Variants in LLGL1 observed in about 807,000 individuals in gnomAD.
LLGL1 encodes LLGL scribble cell polarity complex component 1, also known as lethal(2) giant larvae protein homolog 1.
In LLGL1, 58 loss-of-function variants were observed where a neutral mutation model predicts 110.6. The observed-to-expected ratio is 0.52, with a 90% CI of 0.42 to 0.65. The LOEUF (loss-of-function observed/expected upper bound fraction) is 0.65. Among genes scored for constraint, LLGL1 ranks in the 30% least tolerant of loss-of-function variants. The pLI is 0.00. For synonymous variants in LLGL1, 674 were observed against 607.2 expected (o/e 1.11, Z -1.62); for missense variants, 1,229 against 1,462.1 (o/e 0.84, Z 2.60).
chr17:18,234,744 G>T (rs928892590), intron 8 of LLGL1, 41 bp downstream of exon 8: 18 of 1,613,804 alleles, frequency 1.1e-5, no homozygotes, highest in Non-Finnish European at 1.5e-5. Context: ...GTTGGGTCTG[G>T]CTAGGGGGCT....
At position 18,241,768 on chromosome 17, in the gene LLGL1, G is replaced by A. The variant is rs1162988846; in HGVS notation, c.2767+53G>A. 12 of 1,607,340 alleles carry A rather than the reference G, an allele frequency of 7.5e-6. No individual in the cohort carries two copies. In the Admixed American group the frequency reaches 2.0e-4, roughly 27 times the overall value. ...CTTCCTCAGGCGAGCGAACTGAGTG[G>A]GACCAGTACTGCTTGGGAGCAGGAA... On this transcript the variant is annotated intron_variant, in intron 18 of 22. Transcript: ENST00000316843.
chr17:18,238,395 A>C, intron 15 of LLGL1, 61 bp from the exon 16 acceptor site: 2 of 1,575,676 alleles, frequency 1.3e-6, no homozygotes, highest in Non-Finnish European at 8.6e-7. Flanking sequence ...GTAGGGCGCA[A>C]AGCAGGATGC....
rs3829591 is a variant in LLGL1 at position 18,230,926 on chromosome 17, C to T, written c.179+888C>T. 1.3e-3 allele frequency among the ~76,000 whole-genome samples: 198 copies of T among 152,284 alleles called. No homozygotes were observed. In the East Asian group the frequency reaches 0.036, roughly 27 times the overall value. On this transcript the variant is annotated intron_variant, in intron 2 of 22. Coordinates refer to ENST00000316843, the MANE Select transcript of LLGL1 (RefSeq NM_004140.4). The stretch of plus-strand genomic sequence containing the variant: ...GGAGTGTGGATGGGCTGAGATGTCC[C>T]CTTCTCTCCCATGGCCCCAGCGGCC...
At chr17:18,227,663 T>C (rs540967935) in intron 1 of LLGL1, among the ~76,000 whole-genome samples, 1 of 152,364 alleles carries the variant, frequency 6.6e-6, no homozygotes, top group East Asian at 1.9e-4. Flanking sequence ...AGTGCTAGGA[T>C]TACAGACATG....
In LLGL1 at chr17:18,241,500, C is replaced by T. The variant is rs2047830518; in HGVS notation, c.2552C>T (p.Ala851Val). 6.2e-7 allele frequency: 1 copy of T among 1,613,698 alleles called. No individual in the cohort carries two copies. The highest frequency in any genetic ancestry group is 1.3e-5 in the African/African-American group (1 of 74,936). ...GCGAAGACCAAGTTCAAGCTGACGG[C>T]CCATGAGGGCTGTCGTGTGCGCAAG... ...VSAKTKFKLT[A>V]HEGCRVRKVA... Residue 851 changes from alanine to valine, a missense_variant, in exon 18 of 23, where the codon GCC becomes GTC. By Grantham distance (64) the Ala-to-Val change is moderately conservative. Transcript: ENST00000316843.
Position 18,241,733 on chromosome 17 carries a change from C to T in LLGL1, c.2767+18C>T. 1.2e-6 allele frequency: 2 copies of T among 1,610,440 alleles called. No individual in the cohort carries two copies. The highest frequency in any genetic ancestry group is 1.7e-6 in the Non-Finnish European group (2 of 1,178,024). On this transcript the variant is annotated intron_variant, in intron 18 of 22. Coordinates refer to ENST00000316843, the MANE Select transcript of LLGL1 (RefSeq NM_004140.4). ...TGGCCAGGGTGAGGCGGGGCAGAGG[C>T]CGAGGAGGCCTTCCTCAGGCGAGCG...
At chr17:18,236,024 C>G (rs886074405) in intron 11 of LLGL1, 2 of 190,984 alleles carry the variant, frequency 1.0e-5, no homozygotes, top group East Asian at 3.0e-4. Flanking sequence ...CAACCACCCC[C>G]ACAGTCACAC....
rs113793569 is a variant in LLGL1, at chr17:18,240,162, C to T, written c.2207-416C>T. ...CCTGTCGACAGGACTAGCAAGGGGA[C>T]GCAGGGGTGGAGAGAGGAGTCGGGG... On this transcript the variant is annotated intron_variant, in intron 16 of 22. Transcript: ENST00000316843. The surrounding 1 kb of genome is among the most constrained non-coding windows in gnomAD (Gnocchi z 5.3). Among the ~76,000 whole-genome samples the T allele has an allele frequency of 3.9e-5, 6 of 152,014 alleles. No individual in the cohort carries two copies. Among genetic ancestry groups the T allele is most frequent in the South Asian group, 2.1e-4 (1 of 4,810 alleles).
chr17:18,234,407 C>T lies in LLGL1; in HGVS notation c.849C>T (p.Tyr283=), dbSNP rs147980299. The part of the protein sequence containing the change: ...TLQPTVATTP[Y]GPFPCKAINK... ...AGCCCACGGTAGCCACCACACCTTACGGTGAGTGCTGGGGACACCTTAGCC... is the reference window on the plus strand; with the variant it reads ...AGCCCACGGTAGCCACCACACCTTATGGTGAGTGCTGGGGACACCTTAGCC... The change falls in exon 7 of 23, where the codon TAC becomes TAT. Residue 283 remains tyrosine, a splice_region_variant and synonymous_variant. Transcript: ENST00000316843. 65 of 1,612,212 alleles carry T rather than the reference C, an allele frequency of 4.0e-5. No homozygotes were observed. The highest frequency in any genetic ancestry group is 1.7e-4 in the Middle Eastern group (1 of 5,928).
chr17:18,236,492 G>T (rs1324978066), intron 11 of LLGL1, 115 bp from the exon 12 acceptor site: 2 of 1,035,786 alleles, frequency 1.9e-6, no homozygotes, highest in Non-Finnish European at 2.8e-6. Flanking sequence ...TAGGATTCCG[G>T]TCAGTGTTTG....
At chr17:18,230,655 T>C (rs547343991) in intron 2 of LLGL1, among the ~76,000 whole-genome samples, 1 of 152,248 alleles carries the variant, frequency 6.6e-6, no homozygotes, top group South Asian at 2.1e-4. Context: ...CCAACTGCTC[T>C]TGGGGAAGCC....
At chr17:18,226,364 C>G (rs866532593) in intron 1 of LLGL1, among the ~76,000 whole-genome samples, 2 of 152,048 alleles carry the variant, frequency 1.3e-5, no homozygotes, top group Admixed American at 6.5e-5. Flanking sequence ...TTGGGACAGC[C>G]CTGGGGCCCG....
chr17:18,225,704 C>A lies in LLGL1; in HGVS notation c.22C>A (p.Arg8=). The change falls in exon 1 of 23, where the codon CGG becomes AGG. Residue 8 remains arginine, a synonymous_variant. Transcript: ENST00000316843. MMKFRFR[R]QGADPQREKL... Reference sequence around the variant, plus strand: ...CAAGATGATGAAGTTTCGGTTCCGGCGGCAGGGCGCCGACCCGCAGCGCGA... The same window carrying A: ...CAAGATGATGAAGTTTCGGTTCCGGAGGCAGGGCGCCGACCCGCAGCGCGA... The A allele has an allele frequency of 1.9e-6, 2 of 1,042,008 alleles. No homozygotes were observed. Among genetic ancestry groups the A allele is most frequent in the Admixed American group, 4.9e-5 (1 of 20,610 alleles). 64.5% of individuals were successfully genotyped at this position (1,042,008 alleles called of 1,614,324 possible). A position where few individuals can be genotyped will look rare whatever the true frequency, so the allele number is the denominator to read the frequency against.
At chr17:18,229,170 C>T (rs894762757) in intron 1 of LLGL1, among the ~76,000 whole-genome samples, 3 of 152,096 alleles carry the variant, frequency 2.0e-5, no homozygotes, top group Admixed American at 2.0e-4. Flanking sequence ...CACAGCCAGG[C>T]CAAAGACAGG....
rs975803890 is a variant in LLGL1, at chr17:18,242,582, G to T, written c.3070G>T (p.Asp1024Tyr). 2 of 1,614,068 alleles carry T rather than the reference G, an allele frequency of 1.2e-6. No individual in the cohort carries two copies. Among genetic ancestry groups the T allele is most frequent in the Non-Finnish European group, 1.7e-6 (2 of 1,179,956 alleles). ...DSATSADTTLDTTGDVTVEDV... is the reference protein window; with the variant it reads ...DSATSADTTLYTTGDVTVEDV... Reference sequence around the variant, plus strand: ...AGCCACCAGTGCTGACACCACGCTGGACACGACAGGGGACGTCACAGTGGA... The same window carrying T: ...AGCCACCAGTGCTGACACCACGCTGTACACGACAGGGGACGTCACAGTGGA... The change falls in exon 21 of 23, where the codon GAC (aspartate) becomes TAC (tyrosine). Residue 1024 changes from aspartate to tyrosine, a missense_variant. Physicochemically the swap from Asp to Tyr is radical, Grantham distance 160. Transcript: ENST00000316843.
intron 4 of LLGL1, among the ~76,000 whole-genome samples, chr17:18,233,313 C>T (rs2047611078): frequency 6.6e-6 from 1 of 152,136 alleles, no homozygotes; most frequent in Admixed American, 6.5e-5. Flanking sequence ...CATCTCTCTC[C>T]CCAGCCCTGC....
At chr17:18,233,979 G>A in intron 5 of LLGL1, 34 bp from the exon 6 acceptor site, 3 of 1,597,428 alleles carry the variant, frequency 1.9e-6, no homozygotes, top group Non-Finnish European at 8.5e-7. Flanking sequence ...GTGTGCCCGG[G>A]AAGTTCTGCT....
In LLGL1 at chr17:18,244,793, C is replaced by T. The variant is rs946152694; in HGVS notation, c.*887C>T. On this transcript the variant is annotated 3_prime_UTR_variant, in exon 23 of 23. Transcript: ENST00000316843. ...ATTGTACCTTGGGGTTTTTTTCTGT[C>T]GTTTTGTTAAAATTAGCGCCATTTT... 4.4e-5 allele frequency: 10 copies of T among 229,286 alleles called. No individual in the cohort carries two copies. The highest frequency in any genetic ancestry group is 7.4e-5 in the Non-Finnish European group (9 of 121,282). 14.2% of individuals were successfully genotyped at this position (229,286 alleles called of 1,614,324 possible).
chr17:18,242,114 G>C, intron 19 of LLGL1, 52 bp from the exon 20 acceptor site: 1 of 1,557,728 alleles, frequency 6.4e-7, no homozygotes, highest in Non-Finnish European at 8.9e-7. Flanking sequence ...GATCTAGCGT[G>C]CCAGCCTCAA....
Sources: allele counts gnomAD v4.1 joint callset (sites outside exome capture counted in the v4.1 genomes callset), GRCh38; gene constraint gnomAD v4.1.1; non-coding constraint Gnocchi (gnomAD v3.1); transcripts MANE v1.5; gene names NCBI Gene and HGNC (gene_info 2026-07-23, HGNC 2026-07-21).